The following TRPC1 variants were observed in gnomAD, a reference collection of about 807,000 sequenced individuals.
The protein encoded by TRPC1 is transient receptor potential cation channel subfamily C member 1.
Under a neutral mutation model 88.2 loss-of-function variants are expected in TRPC1, and 42 were observed. The ratio of observed to expected loss-of-function variants is 0.48; its 90% CI spans 0.37 to 0.62. The LOEUF is 0.62. Ranked by LOEUF, TRPC1 falls within the 20% of genes least tolerant of loss-of-function variation. The pLI is 0.00. For missense variants in TRPC1, 699 were observed against 957.3 expected, an observed-to-expected ratio of 0.73 and a Z score of 3.56; for synonymous variants, 288 against 331.8, an observed-to-expected ratio of 0.87 and a Z score of 1.43.
chr3:142,724,035 T>C lies in TRPC1; in HGVS notation c.-525T>C, dbSNP rs1225091075. On this transcript the variant is annotated 5_prime_UTR_variant, in exon 1 of 13. Transcript: ENST00000476941. The surrounding 1 kb of genome is among the most constrained non-coding windows in gnomAD (Gnocchi z 5.6). ...TGCCGCAGGCTCCTCCCTAGTGTCG[T>C]CGCTACAGAGGAGCAGAGGATGACG... 7.1e-6 allele frequency: 1 copy of C among 140,552 alleles called. No individual in the cohort carries two copies. Among genetic ancestry groups the C allele is most frequent in the Non-Finnish European group, 1.5e-5 (1 of 65,092 alleles). The allele number at this position is 140,552 out of a possible 1,614,324, so 8.7% of individuals were successfully genotyped here. A position where few individuals can be genotyped will look rare whatever the true frequency, so the allele number is the denominator to read the frequency against.
rs184131721 is a variant in TRPC1 at position 142,783,319 on chromosome 3, C to T, written c.961-1385C>T. ...GTGAGAGGAAAAGCTGTTTCTCTCCCAGGCATTTCACCTTGAGGGACAAAT... is the reference window on the plus strand; with the variant it reads ...GTGAGAGGAAAAGCTGTTTCTCTCCTAGGCATTTCACCTTGAGGGACAAAT... On this transcript the variant is annotated intron_variant, in intron 6 of 12. Transcript: ENST00000476941. Among the ~76,000 whole-genome samples, 198 of 152,250 alleles carry T rather than the reference C, an allele frequency of 1.3e-3. 2 individuals are homozygous for T. Among genetic ancestry groups the T allele is most frequent in the African/African-American group, 4.5e-3 (187 of 41,556 alleles).
In TRPC1 at chr3:142,758,155, G is replaced by C. The variant is rs191625376; in HGVS notation, c.632+9695G>C. On this transcript the variant is annotated intron_variant, in intron 4 of 12. Transcript: ENST00000476941. Reference sequence around the variant, plus strand: ...GTAGTTCTATTTTTAGTTTTTTGAAGAACCTCCATACTGTTCTCTGGTAGT... The same window carrying C: ...GTAGTTCTATTTTTAGTTTTTTGAACAACCTCCATACTGTTCTCTGGTAGT... 6.6e-3 allele frequency among the ~76,000 whole-genome samples: 1,002 copies of C among 151,884 alleles called. 8 individuals are homozygous for C. The highest frequency in any genetic ancestry group is 0.027 in the South Asian group (131 of 4,806).
intron 1 of TRPC1, among the ~76,000 whole-genome samples, chr3:142,736,153 A>C (rs1040287696): frequency 6.6e-6 from 1 of 152,050 alleles, no homozygotes; most frequent in Non-Finnish European, 1.5e-5. Context: ...TTTATTCTGT[A>C]CATTTAAAAA....
Position 142,806,505 on chromosome 3 carries a change from C to G in TRPC1, c.*270C>G, listed in dbSNP as rs1936798255. On this transcript the variant is annotated 3_prime_UTR_variant, in exon 13 of 13. Coordinates refer to ENST00000476941, the MANE Select transcript of TRPC1 (RefSeq NM_001251845.2). ...TGCTGCTTGGTTTTCTTACTTAGTGCTTTAAAATGTTTTTTTTTATGTTTA... is the reference window on the plus strand; with the variant it reads ...TGCTGCTTGGTTTTCTTACTTAGTGGTTTAAAATGTTTTTTTTTATGTTTA... 4.3e-6 allele frequency: 1 copy of G among 235,092 alleles called. No individual in the cohort carries two copies. The highest frequency in any genetic ancestry group is 2.3e-5 in the African/African-American group (1 of 43,844). 14.6% of individuals were successfully genotyped at this position (235,092 alleles called of 1,614,324 possible).
Position 142,791,021 on chromosome 3 carries a change from A to G in TRPC1, c.1300A>G (p.Met434Val). Residue 434 changes from methionine to valine, a missense_variant and splice_region_variant, in exon 8 of 13, where the codon ATG becomes GTG. Physicochemically the swap from Met to Val is conservative, Grantham distance 21. Transcript: ENST00000476941. ...GATTTTTTTCTTCCTTTTCTCAGGG[A>G]TGATTTGGTCAGACATTAAAAGACT... ...DYLLILWIIG[M>V]IWSDIKRLWY... The G allele has an allele frequency of 6.3e-7, 1 of 1,580,362 alleles. No individual in the cohort carries two copies. Among genetic ancestry groups the G allele is most frequent in the Non-Finnish European group, 8.6e-7 (1 of 1,167,254 alleles).
At position 142,781,159 on chromosome 3, in the gene TRPC1, G is replaced by T. The variant is rs1004677344; in HGVS notation, c.960+130G>T. ...GCTTCCTAAAAATTGTGTGTCTTGGGATAGTTATTGAATCTGTTTGAGCTT... is the reference window on the plus strand; with the variant it reads ...GCTTCCTAAAAATTGTGTGTCTTGGTATAGTTATTGAATCTGTTTGAGCTT... On this transcript the variant is annotated intron_variant, in intron 6 of 12. Coordinates refer to ENST00000476941, the MANE Select transcript of TRPC1 (RefSeq NM_001251845.2). The T allele has an allele frequency of 6.3e-6, 4 of 631,654 alleles. No individual in the cohort carries two copies. In the African/African-American group the frequency reaches 7.5e-5, roughly 12 times the overall value. 39.1% of individuals were successfully genotyped at this position (631,654 alleles called of 1,614,324 possible). A position where few individuals can be genotyped will look rare whatever the true frequency, so the allele number is the denominator to read the frequency against.
chr3:142,752,587 T>C (rs531278508), intron 4 of TRPC1, among the ~76,000 whole-genome samples: 101 of 152,026 alleles, frequency 6.6e-4, no homozygotes, highest in African/African-American at 2.3e-3. Context: ...TGCAAGAGGC[T>C]TTCCTCTTTT....
intron 4 of TRPC1, among the ~76,000 whole-genome samples, chr3:142,768,923 T>C (rs9835135): frequency 0.35 from 52,934 of 151,964 alleles, 12,694 homozygotes; most frequent in African/African-American, 0.69. Flanking sequence ...TTCCTTTAAA[T>C]AATCTTACAT....
rs1458627183 is a variant in TRPC1 at position 142,748,294 on chromosome 3, A to T, written c.466A>T (p.Thr156Ser). Residue 156 changes from threonine to serine, a missense_variant, in exon 4 of 13, where the codon ACA becomes TCA. Physicochemically the swap from Thr to Ser is moderately conservative, Grantham distance 58. Coordinates refer to ENST00000476941, the MANE Select transcript of TRPC1 (RefSeq NM_001251845.2). ...ACGAATTCAGAATCCTGAGTATTCA[A>T]CAACTATGGATGTTGCACCTGTCAT... ...MERIQNPEYS[T>S]TMDVAPVILA... 1 of 1,613,956 alleles carries T rather than the reference A, an allele frequency of 6.2e-7. No homozygotes were observed. The highest frequency in any genetic ancestry group is 8.5e-7 in the Non-Finnish European group (1 of 1,179,934).
intron 4 of TRPC1, among the ~76,000 whole-genome samples, chr3:142,770,079 G>A (rs1935524894): frequency 6.9e-6 from 1 of 144,148 alleles, no homozygotes. Context: ...TATATTTATA[G>A]ATGTTGTATG....
chr3:142,735,572 A>G (rs6784998), intron 1 of TRPC1, among the ~76,000 whole-genome samples: 74,732 of 152,000 alleles, frequency 0.49, 20,199 homozygotes, highest in African/African-American at 0.73. Context: ...AGACAAATAC[A>G]GTGGGGCCTT....
chr3:142,791,948 A>G (rs2108141685), intron 8 of TRPC1, among the ~76,000 whole-genome samples: 1 of 152,152 alleles, frequency 6.6e-6, no homozygotes, highest in Non-Finnish European at 1.5e-5. Flanking sequence ...TTAAACCCTG[A>G]GTTTAGAATT....
At chr3:142,729,427 G>C (rs1933810283) in intron 1 of TRPC1, among the ~76,000 whole-genome samples, 1 of 150,482 alleles carries the variant, frequency 6.6e-6, no homozygotes, top group Non-Finnish European at 1.5e-5. Context: ...GGAGAAGTAA[G>C]GAAACAAAAG....
intron 7 of TRPC1, among the ~76,000 whole-genome samples, chr3:142,788,825 A>G (rs1478701676): frequency 6.6e-6 from 1 of 152,132 alleles, no homozygotes; most frequent in African/African-American, 2.4e-5. Flanking sequence ...GTTTCAACTT[A>G]CTATGTTCTT....
In TRPC1 at chr3:142,776,988, T is replaced by C. The variant is rs1215713946; in HGVS notation, c.633-644T>C. Among the ~76,000 whole-genome samples, 2 of 151,694 alleles carry C rather than the reference T, an allele frequency of 1.3e-5. No individual in the cohort carries two copies. The highest frequency in any genetic ancestry group is 2.9e-5 in the Non-Finnish European group (2 of 67,914). On this transcript the variant is annotated intron_variant, in intron 4 of 12. Coordinates refer to ENST00000476941, the MANE Select transcript of TRPC1 (RefSeq NM_001251845.2). This position sits in a 1 kb window ranked among gnomAD's most constrained non-coding sequence, Gnocchi z 4.1. The stretch of plus-strand genomic sequence containing the variant: ...ATCAAATCCACATCATATTAAAAAT[T>C]TATGTTATTAGCATATTTTATTTAA...
intron 4 of TRPC1, among the ~76,000 whole-genome samples, chr3:142,769,410 C>T (rs936972987): frequency 9.9e-5 from 15 of 152,032 alleles, no homozygotes; most frequent in Non-Finnish European, 4.4e-5. Context: ...GCAGGCTGGT[C>T]TTGAACTACT....
In TRPC1 at chr3:142,792,272, A is replaced by G. The variant is rs1427322965; in HGVS notation, c.1438-552A>G. On this transcript the variant is annotated intron_variant, in intron 8 of 12. Coordinates refer to ENST00000476941, the MANE Select transcript of TRPC1 (RefSeq NM_001251845.2). This position sits in a 1 kb window ranked among gnomAD's most constrained non-coding sequence, Gnocchi z 4.0. Reference sequence around the variant, plus strand: ...TATAATTTTTTATCCAAATCAGGACATTTTGAGAGTGAAAGGGGGCACTAT... The same window carrying G: ...TATAATTTTTTATCCAAATCAGGACGTTTTGAGAGTGAAAGGGGGCACTAT... Among the ~76,000 whole-genome samples the G allele has an allele frequency of 6.6e-6, 1 of 152,056 alleles. No individual in the cohort carries two copies. Among genetic ancestry groups the G allele is most frequent in the Non-Finnish European group, 1.5e-5 (1 of 67,944 alleles).
At chr3:142,740,369 A>G (rs1326073972) in intron 2 of TRPC1, among the ~76,000 whole-genome samples, 2 of 152,224 alleles carry the variant, frequency 1.3e-5, no homozygotes, top group African/African-American at 4.8e-5. Flanking sequence ...TTGATTTGGC[A>G]GCTATCAGGC....
intron 9 of TRPC1, among the ~76,000 whole-genome samples, chr3:142,800,061 T>C (rs991067100): frequency 3.3e-5 from 5 of 152,184 alleles, no homozygotes; most frequent in Admixed American, 6.5e-5. Context: ...GCAGTTACTG[T>C]ATTCTTACTG....
Sources: gnomAD v4.1 joint callset for allele counts (sites outside exome capture counted in the v4.1 genomes callset) on GRCh38, gnomAD v4.1.1 for gene constraint, Gnocchi (gnomAD v3.1) non-coding constraint, MANE v1.5 for transcripts, NCBI Gene and HGNC (gene_info 2026-07-23, HGNC 2026-07-21) for gene names.